The following DNAH8 variants were observed in gnomAD, a reference collection of about 807,000 sequenced individuals.
The protein encoded by DNAH8 is axonemal beta dynein heavy chain 8.
In DNAH8, 382 loss-of-function variants were observed where a neutral mutation model predicts 562.1. The ratio of observed to expected loss-of-function variants is 0.68; its 90% CI spans 0.63 to 0.74. The LOEUF (loss-of-function observed/expected upper bound fraction) is 0.74. Ranked by LOEUF, DNAH8 falls within the 30% of genes least tolerant of loss-of-function variation. The pLI is 0.00. For synonymous variants in DNAH8, 1,881 were observed against 1,919.4 expected, an observed-to-expected ratio of 0.98 and a Z score of 0.52; for missense variants, 5,203 against 5,620.4, an observed-to-expected ratio of 0.93 and a Z score of 2.37.
rs200696610 is a variant in DNAH8 at position 38,929,689 on chromosome 6, AAAAG to A, written c.11274+39_11274+42del. 14,606 of 1,495,982 alleles carry A rather than the reference AAAAG, an allele frequency of 9.8e-3. 691 individuals carry two copies. The African/African-American group carries it at 0.16, about 17-fold the overall frequency. The allele number at this position is 1,495,982 out of a possible 1,614,324, so 92.7% of individuals were successfully genotyped here. ...AAGGTGAGCTTTGTAAAAAAAAAAA[AAAAG>A]AAAGAAAGAAAGAAAAGAAAAAGAA... On this transcript the variant is annotated intron_variant, in intron 75 of 92. Coordinates refer to ENST00000327475, the MANE Select transcript of DNAH8 (RefSeq NM_001206927.2).
At chr6:38,983,459 A>G (rs1764172263) in intron 86 of DNAH8, among the ~76,000 whole-genome samples, 1 of 152,232 alleles carries the variant, frequency 6.6e-6, no homozygotes, top group Admixed American at 6.5e-5. Flanking sequence ...GTTATATTCT[A>G]TGTGTTCATA....
Position 38,851,618 on chromosome 6 carries a change from T to TACAAAGAA in DNAH8, c.5410_5411insACAAAGAA (p.Ser1804TyrfsTer35). 1 of 1,612,408 alleles carries TACAAAGAA rather than the reference T, an allele frequency of 6.2e-7. No homozygotes were observed. The highest frequency in any genetic ancestry group is 8.5e-7 in the Non-Finnish European group (1 of 1,179,420). On this transcript the variant is annotated frameshift_variant, in exon 39 of 93. Transcript: ENST00000327475. LOFTEE classifies it high-confidence loss of function. Reference sequence around the variant, plus strand: ...ACTGTTTCCAAGATTCTTCTTTGTATCTGATCCAGTTCTCCTGGAAATTCT... The same window carrying TACAAAGAA: ...ACTGTTTCCAAGATTCTTCTTTGTATACAAAGAACTGATCCAGTTCTCCTGGAAATTCT...
intron 9 of DNAH8, among the ~76,000 whole-genome samples, chr6:38,751,657 C>G (rs1443618155): frequency 6.6e-6 from 1 of 152,142 alleles, no homozygotes; most frequent in African/African-American, 2.4e-5. Context: ...CATGTTAGCA[C>G]TACCATTTGC....
Position 38,838,589 on chromosome 6 carries a change from C to T in DNAH8, c.4466+547C>T, listed in dbSNP as rs1337032929. On this transcript the variant is annotated intron_variant, in intron 33 of 92. Transcript: ENST00000327475. Reference sequence around the variant, plus strand: ...AATTTTTTTGTGTTTTTAGTAGAGACGGGGTTTCACCATGTTAGCCAGGAT... The same window carrying T: ...AATTTTTTTGTGTTTTTAGTAGAGATGGGGTTTCACCATGTTAGCCAGGAT... Among the ~76,000 whole-genome samples the T allele has an allele frequency of 3.9e-5, 6 of 152,072 alleles. No individual in the cohort carries two copies. The East Asian group carries it at 9.7e-4, about 25-fold the overall frequency.
intron 79 of DNAH8, among the ~76,000 whole-genome samples, chr6:38,940,090 A>C (rs924434712): frequency 2.0e-5 from 3 of 152,172 alleles, no homozygotes; most frequent in African/African-American, 7.2e-5. Flanking sequence ...GGAGTTGTGT[A>C]AGGTGGTGAC....
chr6:39,013,689 A>G (rs986610243), intron 91 of DNAH8, among the ~76,000 whole-genome samples: 9 of 152,176 alleles, frequency 5.9e-5, no homozygotes, highest in Middle Eastern at 3.2e-3. Flanking sequence ...TGTCTCTACA[A>G]AAAATATAAA....
In DNAH8 at chr6:38,770,479, T is replaced by A; in HGVS notation, c.1684T>A (p.Ser562Thr). The change falls in exon 12 of 93, where the codon TCC becomes ACC. Residue 562 changes from serine (S) to threonine (T), a missense_variant. Around this residue, in one of 6 missense-constraint regions of DNAH8, gnomAD observed 2,176 missense variants for 2,365.1 expected, o/e 0.92. Transcript: ENST00000327475. Reference sequence around the variant, plus strand: ...TAAAACAAGGAAACTGATTTCAGAATCCTCAGGGGAAAAATCTTTTGAGGT... The same window carrying A: ...TAAAACAAGGAAACTGATTTCAGAAACCTCAGGGGAAAAATCTTTTGAGGT... ...FHKTRKLISE[S>T]SGEKSFEVSE... 6.2e-7 allele frequency: 1 copy of A among 1,606,888 alleles called. No individual in the cohort carries two copies. Among genetic ancestry groups the A allele is most frequent in the South Asian group, 1.1e-5 (1 of 89,682 alleles).
chr6:39,002,806 A>G (rs1019167699), intron 88 of DNAH8, among the ~76,000 whole-genome samples: 10 of 152,174 alleles, frequency 6.6e-5, no homozygotes, highest in Admixed American at 2.6e-4. Context: ...TAATATTCCA[A>G]CTCTGGATGG....
At chr6:38,727,056 C>T (rs374814640) in intron 3 of DNAH8, among the ~76,000 whole-genome samples, 10 of 151,842 alleles carry the variant, frequency 6.6e-5, no homozygotes, top group African/African-American at 2.2e-4. Flanking sequence ...CGGGGTTTCA[C>T]CATCTTGGCC....
rs185978459 is a variant in DNAH8, at chr6:38,748,693, G to A, written c.1294-1783G>A. Reference sequence around the variant, plus strand: ...GGCGTGAACCCAGGAGGTGGAGCTTGCAGTGAGCTGAGATCGTGCCACTGC... The same window carrying A: ...GGCGTGAACCCAGGAGGTGGAGCTTACAGTGAGCTGAGATCGTGCCACTGC... On this transcript the variant is annotated intron_variant, in intron 8 of 92. Transcript: ENST00000327475. 5.8e-3 allele frequency among the ~76,000 whole-genome samples: 879 copies of A among 151,300 alleles called. 6 individuals carry two copies. Among genetic ancestry groups the A allele is most frequent in the Non-Finnish European group, 7.9e-3 (536 of 67,846 alleles).
intron 88 of DNAH8, among the ~76,000 whole-genome samples, chr6:39,001,585 G>A (rs1389235387): frequency 2.0e-5 from 3 of 152,124 alleles, no homozygotes; most frequent in Non-Finnish European, 4.4e-5. Flanking sequence ...GTCATGGAAT[G>A]CTTGATGAGC....
intron 83 of DNAH8, 51 bp downstream of exon 83, chr6:38,971,716 C>G (rs372504856): frequency 1.9e-4 from 265 of 1,391,804 alleles, no homozygotes; most frequent in Admixed American, 5.0e-4. Context: ...AGAAACCCCA[C>G]AATCATGGAT....
intron 18 of DNAH8, among the ~76,000 whole-genome samples, chr6:38,789,280 C>T (rs9394536): frequency 0.13 from 19,715 of 152,132 alleles, 1,548 homozygotes; most frequent in East Asian, 0.38. Flanking sequence ...TAAAGTAACT[C>T]GAATCTGCAT....
At chr6:38,978,951 C>G (rs1030656468) in intron 85 of DNAH8, among the ~76,000 whole-genome samples, 3 of 152,322 alleles carry the variant, frequency 2.0e-5, no homozygotes, top group East Asian at 3.9e-4. Flanking sequence ...AGTCCTCTCC[C>G]TTCTGTCGAA....
chr6:38,875,891 T>C, intron 53 of DNAH8, 63 bp downstream of exon 53: 2 of 1,027,476 alleles, frequency 1.9e-6, no homozygotes, highest in Non-Finnish European at 3.0e-6. Context: ...ATATAAGCTT[T>C]CATAAACTCT....
chr6:38,854,775 A>G (rs1483135942), intron 41 of DNAH8, among the ~76,000 whole-genome samples: 1 of 151,724 alleles, frequency 6.6e-6, no homozygotes, highest in African/African-American at 2.4e-5. Context: ...GTGAAGTTGA[A>G]CAGGATGTAG....
intron 21 of DNAH8, 143 bp downstream of exon 21, chr6:38,791,817 A>G (rs1259039971): frequency 2.5e-6 from 2 of 802,416 alleles, no homozygotes; most frequent in Non-Finnish European, 3.8e-6. Context: ...CTCTGCTCCA[A>G]GGACTTTCAT....
Position 38,914,559 on chromosome 6 carries a change from C to G in DNAH8, c.9963+607C>G, listed in dbSNP as rs191802782. The stretch of plus-strand genomic sequence containing the variant: ...TAGAGACGGGGTTTCACCATGTTGG[C>G]CAGGATGGTCTCAATCTCTTGACTT... On this transcript the variant is annotated intron_variant, in intron 67 of 92. Transcript: ENST00000327475. Among the ~76,000 whole-genome samples the G allele has an allele frequency of 1.3e-3, 190 of 151,972 alleles. 1 individual carries two copies. Among genetic ancestry groups the G allele is most frequent in the African/African-American group, 4.4e-3 (181 of 41,456 alleles).
intron 43 of DNAH8, 41 bp from the exon 44 acceptor site, chr6:38,862,239 C>T (rs751595116): frequency 6.3e-7 from 1 of 1,575,038 alleles, no homozygotes; most frequent in African/African-American, 1.4e-5. Context: ...TGTAACGTGT[C>T]ATCCCATACT....
Sources: gnomAD v4.1 joint callset for allele counts (sites outside exome capture counted in the v4.1 genomes callset) on GRCh38, gnomAD v4.1.1 for gene constraint, gnomAD v4.1.1 regional missense constraint, MANE v1.5 for transcripts, NCBI Gene and HGNC (gene_info 2026-07-23, HGNC 2026-07-21) for gene names.